The following NELL1 variants were observed in gnomAD, a reference collection of about 807,000 sequenced individuals.
NELL1 encodes the protein neural EGFL like 1.
NELL1 carries 76 observed loss-of-function variants against 107.4 expected under a neutral mutation model. That is an observed-to-expected ratio of 0.71 (90% CI 0.59 to 0.86). The LOEUF is 0.86. Among genes scored for constraint, NELL1 ranks in the 40% least tolerant of loss-of-function variants. The pLI is 0.00. For missense variants in NELL1, 1,024 were observed against 1,005.5 expected, an observed-to-expected ratio of 1.02 and a Z score of -0.25; for synonymous variants, 353 against 341.2, an observed-to-expected ratio of 1.03 and a Z score of -0.38.
At chr11:20,732,894 C>T (rs11025724) in intron 2 of NELL1, among the ~76,000 whole-genome samples, 17,046 of 152,134 alleles carry the variant, frequency 0.11, 1,096 homozygotes, top group Non-Finnish European at 0.15. Flanking sequence ...TGCCAGGTAC[C>T]ATTCCAGGTT....
intron 12 of NELL1, among the ~76,000 whole-genome samples, chr11:21,004,917 A>G (rs555907808): frequency 8.1e-4 from 124 of 152,292 alleles, no homozygotes; most frequent in African/African-American, 2.9e-3. Flanking sequence ...CACCTCAACT[A>G]GTTAATTTTT....
intron 12 of NELL1, among the ~76,000 whole-genome samples, chr11:20,980,824 A>G (rs1052992780): frequency 5.3e-5 from 8 of 152,134 alleles, no homozygotes; most frequent in African/African-American, 1.4e-4. Context: ...TTTTGATTCT[A>G]TCCCCTTCTG....
intron 14 of NELL1, among the ~76,000 whole-genome samples, chr11:21,275,414 T>C (rs960798020): frequency 1.3e-5 from 2 of 152,056 alleles, no homozygotes; most frequent in African/African-American, 4.8e-5. Context: ...ATTAATAGCT[T>C]ACCAACCAAA....
At chr11:21,090,191 A>G (rs575885376) in intron 12 of NELL1, among the ~76,000 whole-genome samples, 20 of 152,318 alleles carry the variant, frequency 1.3e-4, no homozygotes, top group Admixed American at 1.2e-3. Context: ...AATGGCCCAG[A>G]AACATTGGTC....
intron 12 of NELL1, among the ~76,000 whole-genome samples, chr11:21,075,404 G>A (rs1185563031): frequency 7.2e-5 from 11 of 152,066 alleles, no homozygotes; most frequent in African/African-American, 2.4e-5. Flanking sequence ...ATATCACAAG[G>A]AAGAGGCAGG....
chr11:20,870,827 A>C (rs1849182072), intron 4 of NELL1, among the ~76,000 whole-genome samples: 1 of 152,242 alleles, frequency 6.6e-6, no homozygotes, highest in Admixed American at 6.5e-5. Flanking sequence ...AAAGTCTGAC[A>C]GGACTGATAG....
intron 16 of NELL1, among the ~76,000 whole-genome samples, chr11:21,541,197 A>C (rs1031690788): frequency 1.3e-5 from 2 of 152,142 alleles, no homozygotes; most frequent in African/African-American, 4.8e-5. Flanking sequence ...ACACTCCAAG[A>C]TGACATACAG....
chr11:20,728,433 AT>A lies in NELL1; in HGVS notation c.184+50374del, dbSNP rs1458478899. 2.0e-5 allele frequency among the ~76,000 whole-genome samples: 3 copies of A among 152,280 alleles called. No homozygotes were observed. The East Asian group carries it at 5.8e-4, about 29-fold the overall frequency. ...TCCTAGGCTTTCTTCCATGATTCAT[AT>A]AGTTTGATGTCTTACATTTAAATCT... On this transcript the variant is annotated intron_variant, in intron 2 of 19. Coordinates refer to ENST00000357134, the MANE Select transcript of NELL1 (RefSeq NM_006157.5).
chr11:21,141,469 G>A (rs1031810509), intron 13 of NELL1, among the ~76,000 whole-genome samples: 1 of 152,136 alleles, frequency 6.6e-6, no homozygotes, highest in Non-Finnish European at 1.5e-5. Flanking sequence ...ACCTCTGTGT[G>A]CCTCACATAA....
intron 15 of NELL1, among the ~76,000 whole-genome samples, chr11:21,530,896 T>C (rs1411820604): frequency 6.6e-6 from 1 of 152,178 alleles, no homozygotes. Flanking sequence ...ATTTATTTTT[T>C]CATACATTCA....
At chr11:21,352,042 C>T (rs1465794530) in intron 14 of NELL1, among the ~76,000 whole-genome samples, 1 of 152,110 alleles carries the variant, frequency 6.6e-6, no homozygotes, top group Non-Finnish European at 1.5e-5. Flanking sequence ...AAGTATGGTC[C>T]TCCATGAAGC....
chr11:20,955,805 A>G (rs1230865436), intron 11 of NELL1, among the ~76,000 whole-genome samples: 1 of 152,204 alleles, frequency 6.6e-6, no homozygotes, highest in African/African-American at 2.4e-5. Context: ...AAATTCTCCA[A>G]ATATTGTTGG....
chr11:21,351,231 C>G (rs1403039654), intron 14 of NELL1, among the ~76,000 whole-genome samples: 2 of 152,060 alleles, frequency 1.3e-5, no homozygotes, highest in Non-Finnish European at 2.9e-5. Context: ...CAATGTGAAC[C>G]TATCCAGCCG....
At chr11:20,674,926 T>G (rs1431892180) in intron 1 of NELL1, among the ~76,000 whole-genome samples, 2 of 152,228 alleles carry the variant, frequency 1.3e-5, no homozygotes, top group African/African-American at 4.8e-5. Flanking sequence ...TAATTTTGTA[T>G]AACAAATAAC....
At chr11:21,456,401 T>C (rs1853737591) in intron 15 of NELL1, among the ~76,000 whole-genome samples, 1 of 152,066 alleles carries the variant, frequency 6.6e-6, no homozygotes, top group Non-Finnish European at 1.5e-5. Context: ...CAGTATGCTG[T>C]ACAAAACTGC....
chr11:21,437,266 T>C (rs1853146860), intron 15 of NELL1, among the ~76,000 whole-genome samples: 1 of 152,222 alleles, frequency 6.6e-6, no homozygotes, highest in African/African-American at 2.4e-5. Flanking sequence ...TCTAATGATA[T>C]TTGCTTTAAA....
At chr11:20,924,698 C>T (rs1378135692) in intron 7 of NELL1, among the ~76,000 whole-genome samples, 1 of 152,172 alleles carries the variant, frequency 6.6e-6, no homozygotes, top group Non-Finnish European at 1.5e-5. Context: ...CGTATGGGTC[C>T]TCTCACAAAG....
chr11:21,465,889 C>A (rs1469901494), intron 15 of NELL1, among the ~76,000 whole-genome samples: 2 of 152,078 alleles, frequency 1.3e-5, no homozygotes, highest in African/African-American at 4.8e-5. Flanking sequence ...AGCCATAGCA[C>A]CAGAGAAGTA....
chr11:21,533,248 G>T (rs369107701), intron 15 of NELL1, among the ~76,000 whole-genome samples: 1 of 152,124 alleles, frequency 6.6e-6, no homozygotes, highest in South Asian at 2.1e-4. Flanking sequence ...ACAGCCCGGT[G>T]CACAACATGG....
Sources: gnomAD v4.1 joint callset for allele counts (sites outside exome capture counted in the v4.1 genomes callset) on GRCh38, gnomAD v4.1.1 for gene constraint, MANE v1.5 for transcripts, NCBI Gene and HGNC (gene_info 2026-07-23, HGNC 2026-07-21) for gene names.